Variants in KATNBL1 observed in about 807,000 individuals in gnomAD.
KATNBL1 encodes KATNB1-like protein 1.
KATNBL1 carries 28 observed loss-of-function variants against 44.7 expected under a neutral mutation model. The observed-to-expected ratio is 0.63, with a 90% CI of 0.46 to 0.86. The LOEUF (loss-of-function observed/expected upper bound fraction) is 0.86, where lower values mean the gene tolerates loss of function less well. Ranked by LOEUF, KATNBL1 falls within the 40% of genes least tolerant of loss-of-function variation. KATNBL1 has a pLI of 0.00. For missense variants in KATNBL1, 272 were observed against 350.7 expected, an observed-to-expected ratio of 0.78 and a Z score of 1.79; for synonymous variants, 78 against 114.9, an observed-to-expected ratio of 0.68 and a Z score of 2.06.
At chr15:34,144,020 T>TAAC (rs1798187905) in intron 9 of KATNBL1, among the ~76,000 whole-genome samples, 2 of 146,408 alleles carry the variant, frequency 1.4e-5, no homozygotes, top group African/African-American at 5.0e-5. Flanking sequence ...CACACAGTGG[T>TAAC]AACAAACTTG....
intron 9 of KATNBL1, among the ~76,000 whole-genome samples, chr15:34,143,833 G>T (rs1888226460): frequency 6.7e-6 from 1 of 149,482 alleles, no homozygotes; most frequent in Non-Finnish European, 1.5e-5. Flanking sequence ...CAGGCATGGT[G>T]GTGGGCGCCT....
At chr15:34,150,309 G>A (rs1888430357) in intron 4 of KATNBL1, among the ~76,000 whole-genome samples, 1 of 152,176 alleles carries the variant, frequency 6.6e-6, no homozygotes, top group Non-Finnish European at 1.5e-5. Context: ...CTTTTATTCT[G>A]GCCAGGCACA....
intron 1 of KATNBL1, among the ~76,000 whole-genome samples, chr15:34,186,071 T>G (rs570362472): frequency 2.6e-5 from 4 of 152,274 alleles, no homozygotes; most frequent in Admixed American, 6.5e-5. Context: ...TATGGGACAA[T>G]TGGGCCATTT....
At chr15:34,194,933 T>C (rs866228377) in intron 1 of KATNBL1, among the ~76,000 whole-genome samples, 10 of 152,162 alleles carry the variant, frequency 6.6e-5, no homozygotes, top group Admixed American at 5.9e-4. Flanking sequence ...ATGGCTATTA[T>C]TAAAAAGACA....
At chr15:34,193,859 A>G (rs1338646897) in intron 1 of KATNBL1, among the ~76,000 whole-genome samples, 30 of 128,654 alleles carry the variant, frequency 2.3e-4, no homozygotes, top group African/African-American at 7.9e-4. Flanking sequence ...CTCAAAAAAA[A>G]AAAAAAAAAA....
chr15:34,180,593 G>A (rs963036055), intron 1 of KATNBL1, among the ~76,000 whole-genome samples: 3 of 152,032 alleles, frequency 2.0e-5, no homozygotes, highest in Admixed American at 6.6e-5. Flanking sequence ...TTGGCTCCTC[G>A]GTCAGCCACT....
chr15:34,207,052 T>G (rs1386229885), intron 1 of KATNBL1, among the ~76,000 whole-genome samples: 1 of 150,450 alleles, frequency 6.6e-6, no homozygotes, highest in African/African-American at 2.4e-5. Flanking sequence ...TTTTTTTTTT[T>G]TCCCTGAGAC....
At position 34,140,925 on chromosome 15, in the gene KATNBL1, A is replaced by G. The variant is rs180694029; in HGVS notation, c.*1414T>C. ...ACACAAAACCAGAACTCAGTGAAAC[A>G]TAACTTTTAAGAGCAAGAAATCTGC... On this transcript the variant is annotated 3_prime_UTR_variant, in exon 10 of 10. Transcript: ENST00000256544. 2.4e-4 allele frequency: 36 copies of G among 152,310 alleles called. No homozygotes were observed. The highest frequency in any genetic ancestry group is 7.2e-4 in the African/African-American group (30 of 41,588). The allele number at this position is 152,310 out of a possible 1,614,324, so 9.4% of individuals were successfully genotyped here. A position where few individuals can be genotyped will look rare whatever the true frequency, so the allele number is the denominator to read the frequency against.
intron 1 of KATNBL1, among the ~76,000 whole-genome samples, chr15:34,190,603 C>A (rs570212569): frequency 6.6e-6 from 1 of 152,048 alleles, no homozygotes; most frequent in African/African-American, 2.4e-5. Context: ...ATTTGAGCAT[C>A]AATAGAAAGC....
chr15:34,180,395 G>C (rs754202300), intron 1 of KATNBL1, among the ~76,000 whole-genome samples: 7 of 151,998 alleles, frequency 4.6e-5, no homozygotes, highest in Non-Finnish European at 1.0e-4. Flanking sequence ...TAGCTCTTTC[G>C]TCACTTCAGG....
At chr15:34,176,080 A>G (rs1021096090) in intron 1 of KATNBL1, among the ~76,000 whole-genome samples, 3 of 152,052 alleles carry the variant, frequency 2.0e-5, no homozygotes, top group Admixed American at 2.0e-4. Flanking sequence ...TCAGCATCAA[A>G]AAGGAATGAA....
chr15:34,206,747 T>C (rs1009972970), intron 1 of KATNBL1, among the ~76,000 whole-genome samples: 8 of 151,054 alleles, frequency 5.3e-5, no homozygotes, highest in Non-Finnish European at 1.2e-4. Context: ...GTCAAGATCT[T>C]GCCACTGTAC....
chr15:34,202,032 AT>A, intron 1 of KATNBL1, among the ~76,000 whole-genome samples: 1 of 152,198 alleles, frequency 6.6e-6, no homozygotes, highest in Non-Finnish European at 1.5e-5. Context: ...TATATCAGGG[AT>A]TTGAGCATCC....
intron 1 of KATNBL1, among the ~76,000 whole-genome samples, chr15:34,169,130 A>T (rs1889077411): frequency 6.6e-6 from 1 of 152,212 alleles, no homozygotes; most frequent in African/African-American, 2.4e-5. Context: ...AACCCTTCAA[A>T]AAAAATCAAT....
At chr15:34,196,347 G>A (rs1325001252) in intron 1 of KATNBL1, among the ~76,000 whole-genome samples, 2 of 152,100 alleles carry the variant, frequency 1.3e-5, no homozygotes, top group African/African-American at 4.8e-5. Flanking sequence ...GAACCCGGGA[G>A]GTGGAGGCTG....
intron 1 of KATNBL1, among the ~76,000 whole-genome samples, chr15:34,187,614 C>T (rs990865555): frequency 2.6e-5 from 4 of 152,174 alleles, no homozygotes; most frequent in Admixed American, 6.5e-5. Context: ...ACCAAGCCAC[C>T]TGTAAAATAA....
intron 1 of KATNBL1, chr15:34,177,744 A>T (rs563059881): frequency 6.6e-6 from 1 of 152,258 alleles, no homozygotes; most frequent in South Asian, 2.1e-4. Flanking sequence ...TTTTGTTTGT[A>T]ACACCTTAAG....
intron 1 of KATNBL1, among the ~76,000 whole-genome samples, chr15:34,207,950 C>A (rs1483903839): frequency 2.6e-5 from 4 of 152,124 alleles, no homozygotes; most frequent in Admixed American, 2.0e-4. Context: ...GTTAGTTTTT[C>A]GCAGAAGCTT....
intron 4 of KATNBL1, among the ~76,000 whole-genome samples, chr15:34,149,433 T>C (rs1353059626): frequency 6.6e-6 from 1 of 152,176 alleles, no homozygotes; most frequent in Non-Finnish European, 1.5e-5. Flanking sequence ...TCAAGCTTTT[T>C]TTTTTTTGGA....
Sources: allele counts gnomAD v4.1 joint callset (sites outside exome capture counted in the v4.1 genomes callset), GRCh38; gene constraint gnomAD v4.1.1; transcripts MANE v1.5; gene names NCBI Gene and HGNC (gene_info 2026-07-23, HGNC 2026-07-21).